The following CLCA2 variants were observed in gnomAD, a reference collection of about 807,000 sequenced individuals.
CLCA2 encodes calcium-activated chloride channel regulator 2.
A neutral mutation model predicts 82.9 loss-of-function variants in CLCA2; 85 were observed. The ratio of observed to expected loss-of-function variants is 1.03; its 90% CI spans 0.86 to 1.23. CLCA2 has a LOEUF of 1.23. Among genes scored for constraint, CLCA2 ranks in the 50% most tolerant of loss-of-function variants. CLCA2 has a pLI of 0.00. For missense variants in CLCA2, 1,089 were observed against 1,124.8 expected, an observed-to-expected ratio of 0.97 and a Z score of 0.45; for synonymous variants, 421 against 391.7, an observed-to-expected ratio of 1.07 and a Z score of -0.88.
At chr1:86,437,363 G>A (rs575312946) in intron 6 of CLCA2, among the ~76,000 whole-genome samples, 2 of 152,100 alleles carry the variant, frequency 1.3e-5, no homozygotes, top group Non-Finnish European at 2.9e-5. Context: ...ATGTGACTAG[G>A]CTCCACAGAG....
intron 10 of CLCA2, among the ~76,000 whole-genome samples, chr1:86,444,879 T>TTTGTTGTTGTTTTG: frequency 6.8e-6 from 1 of 148,132 alleles, no homozygotes; most frequent in South Asian, 2.2e-4. Context: ...CACCCCCACT[T>TTTGTTGTTGTTTTG]TTGTTGTTGT....
chr1:86,441,348 C>A, intron 8 of CLCA2, 89 bp from the exon 9 acceptor site: 1 of 769,742 alleles, frequency 1.3e-6, no homozygotes. Flanking sequence ...CACTCTAATG[C>A]AAAGAAAGCT....
intron 6 of CLCA2, among the ~76,000 whole-genome samples, chr1:86,436,165 C>T (rs1311123174): frequency 2.0e-5 from 3 of 152,278 alleles, no homozygotes; most frequent in Middle Eastern, 3.4e-3. Flanking sequence ...TCTGCTGATC[C>T]CTGAGCTAAA....
intron 12 of CLCA2, among the ~76,000 whole-genome samples, chr1:86,452,181 T>C (rs2101712826): frequency 6.8e-6 from 1 of 145,996 alleles, no homozygotes. Context: ...GGAAGCTTTT[T>C]TTTTTTTTTT....
rs141837417 is a variant in CLCA2, at chr1:86,433,492, C to T, written c.744+964C>T. ...ATTTCTTGTCCCATACATTATGTTT[C>T]TTATTTATAGCTTTAATATCTGATA... On this transcript the variant is annotated intron_variant, in intron 5 of 13. Transcript: ENST00000370565. Among the ~76,000 whole-genome samples, 288 of 152,226 alleles carry T rather than the reference C, an allele frequency of 1.9e-3. 1 individual carries two copies. The highest frequency in any genetic ancestry group is 6.0e-3 in the African/African-American group (249 of 41,530).
chr1:86,437,863 T>G (rs1290335345), intron 6 of CLCA2, among the ~76,000 whole-genome samples: 5 of 151,964 alleles, frequency 3.3e-5, no homozygotes, highest in Non-Finnish European at 7.4e-5. Flanking sequence ...GAGTGCTTAC[T>G]CAGTATCCAT....
chr1:86,455,583 A>T lies in CLCA2; in HGVS notation c.*56A>T. 6 of 1,140,434 alleles carry T rather than the reference A, an allele frequency of 5.3e-6. No homozygotes were observed. The South Asian group carries it at 1.5e-4, about 28-fold the overall frequency. 70.6% of individuals were successfully genotyped at this position (1,140,434 alleles called of 1,614,324 possible). A position where few individuals can be genotyped will look rare whatever the true frequency, so the allele number is the denominator to read the frequency against. On this transcript the variant is annotated 3_prime_UTR_variant, in exon 14 of 14. Transcript: ENST00000370565. ...TATAAGACCCATGGCCTTCGACTACAAAAACATACTAACAAAGTCAAATTA... is the reference window on the plus strand; with the variant it reads ...TATAAGACCCATGGCCTTCGACTACTAAAACATACTAACAAAGTCAAATTA...
chr1:86,432,454 G>T lies in CLCA2; in HGVS notation c.670G>T (p.Glu224Ter), dbSNP rs1662520887. The change falls in exon 5 of 14, where the codon GAA becomes TAA. Residue 224 changes from glutamate to a stop codon, truncating the protein, a stop_gained. Transcript: ENST00000370565. LOFTEE classifies it high-confidence loss of function. ...ENCIISKLFK[E>*]GCTFIYNSTQ... ...CTGTATTATTAGTAAGCTTTTTAAA[G>T]AAGGATGCACCTTTATCTACAATAG... 6.2e-7 allele frequency: 1 copy of T among 1,614,018 alleles called. No homozygotes were observed.
chr1:86,425,479 A>C lies in CLCA2; in HGVS notation c.324+3A>C. 1 of 1,533,736 alleles carries C rather than the reference A, an allele frequency of 6.5e-7. No individual in the cohort carries two copies. Among genetic ancestry groups the C allele is most frequent in the East Asian group, 2.3e-5 (1 of 43,082 alleles). On this transcript the variant is annotated splice_donor_region_variant and intron_variant, in intron 2 of 13. Transcript: ENST00000370565. ...TAAAACAAGAATCATATGAAAAGGTAAGAATCCAGGATTTCATTCAATGAT... is the reference window on the plus strand; with the variant it reads ...TAAAACAAGAATCATATGAAAAGGTCAGAATCCAGGATTTCATTCAATGAT...
At chr1:86,446,272 G>A (rs907399537) in intron 10 of CLCA2, among the ~76,000 whole-genome samples, 3 of 144,492 alleles carry the variant, frequency 2.1e-5, no homozygotes, top group Non-Finnish European at 4.5e-5. Context: ...AGGCCCAAGT[G>A]GTAAATCTTA....
intron 6 of CLCA2, among the ~76,000 whole-genome samples, chr1:86,437,064 C>T (rs1662627565): frequency 6.6e-6 from 1 of 152,160 alleles, no homozygotes; most frequent in African/African-American, 2.4e-5. Context: ...GGCTATCTGC[C>T]TGTATTGAGC....
intron 6 of CLCA2, among the ~76,000 whole-genome samples, chr1:86,437,108 A>C (rs1279745125): frequency 6.6e-6 from 1 of 152,218 alleles, no homozygotes; most frequent in East Asian, 1.9e-4. Context: ...AGATGATGGT[A>C]CTTGAGAGTA....
chr1:86,443,754 C>T (rs775956994), intron 9 of CLCA2, 33 bp from the exon 10 acceptor site: 12 of 1,509,006 alleles, frequency 8.0e-6, no homozygotes, highest in Middle Eastern at 1.7e-4. Context: ...ATGCATACAC[C>T]AGAAACTCTC....
intron 10 of CLCA2, among the ~76,000 whole-genome samples, chr1:86,444,456 G>A (rs1662806843): frequency 6.6e-6 from 1 of 152,114 alleles, no homozygotes; most frequent in Non-Finnish European, 1.5e-5. Flanking sequence ...GCATGAACAG[G>A]GTACTATCAG....
At chr1:86,427,309 A>G (rs1277295870) in intron 2 of CLCA2, among the ~76,000 whole-genome samples, 1 of 152,140 alleles carries the variant, frequency 6.6e-6, no homozygotes, top group African/African-American at 2.4e-5. Context: ...ATGAGGTTTT[A>G]CCCAAGTGAG....
At chr1:86,448,825 C>T (rs1465877643) in intron 11 of CLCA2, among the ~76,000 whole-genome samples, 2 of 152,228 alleles carry the variant, frequency 1.3e-5, no homozygotes, top group African/African-American at 4.8e-5. Flanking sequence ...ACTTCTCATG[C>T]TCTGATGGCT....
At chr1:86,435,495 G>A (rs994862385) in intron 6 of CLCA2, among the ~76,000 whole-genome samples, 1 of 152,144 alleles carries the variant, frequency 6.6e-6, no homozygotes, top group Admixed American at 6.6e-5. Flanking sequence ...CCATATCTCA[G>A]TCATCTAGCA....
intron 7 of CLCA2, among the ~76,000 whole-genome samples, chr1:86,439,399 G>A (rs1662678864): frequency 6.6e-6 from 1 of 152,130 alleles, no homozygotes; most frequent in African/African-American, 2.4e-5. Flanking sequence ...CAACATCTGG[G>A]CATTTTCTAA....
chr1:86,453,692 A>G, intron 13 of CLCA2, 90 bp downstream of exon 13: 2 of 1,149,468 alleles, frequency 1.7e-6, no homozygotes, highest in Non-Finnish European at 2.5e-6. Context: ...AAAGGTACAG[A>G]GGATTGTTGT....
Sources: allele counts gnomAD v4.1 joint callset (sites outside exome capture counted in the v4.1 genomes callset), GRCh38; gene constraint gnomAD v4.1.1; transcripts MANE v1.5; gene names NCBI Gene and HGNC (gene_info 2026-07-23, HGNC 2026-07-21).